Variants in CD28 observed in about 807,000 individuals in gnomAD.
CD28 encodes the protein T-cell-specific surface glycoprotein CD28.
CD28 carries 8 observed loss-of-function variants against 21.4 expected under a neutral mutation model. The observed-to-expected ratio is 0.37, with a 90% CI of 0.22 to 0.68. CD28 has a LOEUF of 0.68. Among genes scored for constraint, CD28 ranks in the 30% least tolerant of loss-of-function variants. The pLI is 0.55. For missense variants in CD28, 239 were observed against 272.2 expected (o/e 0.88, Z 0.86); for synonymous variants, 106 against 104.0 (o/e 1.02, Z -0.12).
At chr2:203,730,714 C>A (rs1422647709) in intron 3 of CD28, among the ~76,000 whole-genome samples, 1 of 152,158 alleles carries the variant, frequency 6.6e-6, no homozygotes, top group Non-Finnish European at 1.5e-5. Context: ...ACATTTGGTG[C>A]TTAATGAATG....
At chr2:203,726,280 T>G (rs1043381466) in intron 1 of CD28, among the ~76,000 whole-genome samples, 3 of 152,156 alleles carry the variant, frequency 2.0e-5, no homozygotes, top group African/African-American at 7.2e-5. Context: ...CCTCCAAATA[T>G]ATCACTCAGT....
At chr2:203,713,638 A>C (rs559730694) in intron 1 of CD28, among the ~76,000 whole-genome samples, 6 of 152,334 alleles carry the variant, frequency 3.9e-5, no homozygotes, top group Admixed American at 3.9e-4. Flanking sequence ...ATAAGACTTC[A>C]CAGGATTAAG....
At chr2:203,722,495 C>G (rs1581508556) in intron 1 of CD28, among the ~76,000 whole-genome samples, 1 of 152,294 alleles carries the variant, frequency 6.6e-6, no homozygotes, top group East Asian at 1.9e-4. Flanking sequence ...AGATGGTAGT[C>G]AAACCTAGCT....
chr2:203,709,946 C>T (rs1045365114), intron 1 of CD28, among the ~76,000 whole-genome samples: 7 of 152,160 alleles, frequency 4.6e-5, no homozygotes, highest in African/African-American at 1.7e-4. Flanking sequence ...CTGAGAGAGG[C>T]ATGGAAAGCA....
In CD28 at chr2:203,712,878, A is replaced by G. The variant is rs561477136; in HGVS notation, c.52+6130A>G. ...TAGTGTTCTGCCTGGCTTTCCCTGT[A>G]TTAAGTCATCTAATCTCCAAGTCCT... is the stretch of plus-strand genomic sequence containing the variant. On this transcript the variant is annotated intron_variant, in intron 1 of 3. Coordinates refer to ENST00000324106, the MANE Select transcript of CD28 (RefSeq NM_006139.4). 1.1e-4 allele frequency among the ~76,000 whole-genome samples: 16 copies of G among 152,280 alleles called. No homozygotes were observed. The South Asian group carries it at 1.2e-3, about 12-fold the overall frequency.
chr2:203,706,493 G>A (rs748042523), upstream of CD28: 15 of 1,502,560 alleles, frequency 1.0e-5, no homozygotes, highest in Middle Eastern at 1.7e-4. Context: ...TCAAAACAAC[G>A]TTATATCCTG....
Position 203,734,835 on chromosome 2 carries a change from C to T in CD28, c.586C>T (p.Pro196Ser). The change falls in exon 4 of 4, where the codon CCC becomes TCC. Residue 196 changes from proline to serine, a missense_variant. Pro to Ser is a moderately conservative substitution (Grantham distance 74, BLOSUM62 -1). Around this residue, in one of 3 missense-constraint regions of CD28, gnomAD observed 112 missense variants for 112.8 expected, o/e 0.99. Coordinates refer to ENST00000324106, the MANE Select transcript of CD28 (RefSeq NM_006139.4). ...LLHSDYMNMT[P>S]RRPGPTRKHY... is the part of the protein sequence containing the mutation. ...GCACAGTGACTACATGAACATGACT[C>T]CCCGCCGCCCCGGGCCCACCCGCAA... 1.9e-6 allele frequency: 3 copies of T among 1,614,142 alleles called. No individual in the cohort carries two copies. Among genetic ancestry groups the T allele is most frequent in the Non-Finnish European group, 2.5e-6 (3 of 1,180,000 alleles).
chr2:203,732,871 A>G (rs1382713509), intron 3 of CD28, among the ~76,000 whole-genome samples: 3 of 152,210 alleles, frequency 2.0e-5, no homozygotes, highest in Non-Finnish European at 4.4e-5. Flanking sequence ...TCACTTGAGG[A>G]TAAGCATGGG....
chr2:203,715,886 C>G (rs535442256), intron 1 of CD28, among the ~76,000 whole-genome samples: 36 of 152,152 alleles, frequency 2.4e-4, no homozygotes, highest in Non-Finnish European at 4.0e-4. Context: ...TACCAGCTGC[C>G]ACCTCCACAG....
intron 1 of CD28, among the ~76,000 whole-genome samples, chr2:203,721,505 C>T (rs1581507666): frequency 1.3e-5 from 2 of 152,142 alleles, no homozygotes; most frequent in East Asian, 3.9e-4. Context: ...CTCTCTTTGT[C>T]TTATCCTCCC....
At chr2:203,715,983 G>C (rs1436166491) in intron 1 of CD28, among the ~76,000 whole-genome samples, 1 of 152,058 alleles carries the variant, frequency 6.6e-6, no homozygotes, top group Non-Finnish European at 1.5e-5. Context: ...CCAAGCCAAG[G>C]GCAGTCAAGA....
chr2:203,713,899 G>GT (rs1693390754), intron 1 of CD28, among the ~76,000 whole-genome samples: 3 of 151,538 alleles, frequency 2.0e-5, no homozygotes, highest in Non-Finnish European at 4.4e-5. Flanking sequence ...GTGTGTGTGT[G>GT]TGTGTGTAGC....
intron 1 of CD28, among the ~76,000 whole-genome samples, chr2:203,713,625 A>G (rs1174982535): frequency 6.6e-6 from 1 of 152,184 alleles, no homozygotes; most frequent in African/African-American, 2.4e-5. Flanking sequence ...ATGGAGAAGG[A>G]AGATAAGACT....
At chr2:203,709,052 G>A (rs1277817475) in intron 1 of CD28, among the ~76,000 whole-genome samples, 2 of 151,844 alleles carry the variant, frequency 1.3e-5, no homozygotes, top group Non-Finnish European at 2.9e-5. Context: ...AACCCGGGAC[G>A]CGGAGGTTGC....
rs1581516317 is a variant in CD28 at position 203,729,862 on chromosome 2, C to T, written c.534+90C>T. 5 of 1,317,108 alleles carry T rather than the reference C, an allele frequency of 3.8e-6. No individual in the cohort carries two copies. The East Asian group carries it at 7.0e-5, about 18-fold the overall frequency. 81.6% of individuals were successfully genotyped at this position (1,317,108 alleles called of 1,614,324 possible). ...GAATTTTGCCTATGTGGTTTATTTT[C>T]TGTTTAATATAGGATGATGATTTTC... On this transcript the variant is annotated intron_variant, in intron 3 of 3. Transcript: ENST00000324106.
intron 2 of CD28, among the ~76,000 whole-genome samples, chr2:203,727,482 C>A (rs969233256): frequency 7.4e-5 from 10 of 135,296 alleles, no homozygotes; most frequent in Non-Finnish European, 8.2e-5. Context: ...TTTTCTTTTT[C>A]TTTTTCTTTT....
intron 1 of CD28, among the ~76,000 whole-genome samples, chr2:203,719,597 C>G (rs1161678678): frequency 6.6e-6 from 1 of 152,140 alleles, no homozygotes; most frequent in African/African-American, 2.4e-5. Context: ...TTTCAAGGAT[C>G]ACTTATGTTT....
chr2:203,726,751 A>C lies in CD28; in HGVS notation c.171A>C (p.Lys57Asn). The change falls in exon 2 of 4, where the codon AAA (lysine) becomes AAC (asparagine). Residue 57 changes from lysine (K) to asparagine (N), a missense_variant. Physicochemically the swap from Lys to Asn is moderately conservative, Grantham distance 94 (BLOSUM62 0). This residue lies in a region of CD28 where 104 missense variants were observed against 108.5 expected (regional missense o/e 0.96). Transcript: ENST00000324106. ...FSREFRASLH[K>N]GLDSAVEVCV... ...GGGAGTTCCGGGCATCCCTTCACAA[A>C]GGACTGGATAGTGCTGTGGAAGTCT... 1 of 1,614,152 alleles carries C rather than the reference A, an allele frequency of 6.2e-7. No individual in the cohort carries two copies. Among genetic ancestry groups the C allele is most frequent in the Non-Finnish European group, 8.5e-7 (1 of 1,180,016 alleles).
intron 3 of CD28, among the ~76,000 whole-genome samples, chr2:203,732,041 G>T (rs1457642226): frequency 6.6e-6 from 1 of 152,176 alleles, no homozygotes; most frequent in Non-Finnish European, 1.5e-5. Flanking sequence ...TTTTCCTGCT[G>T]TTGGTATTTA....
Sources: gnomAD v4.1 joint callset for allele counts (sites outside exome capture counted in the v4.1 genomes callset) on GRCh38, gnomAD v4.1.1 for gene constraint, gnomAD v4.1.1 regional missense constraint, MANE v1.5 for transcripts, NCBI Gene and HGNC (gene_info 2026-07-23, HGNC 2026-07-21) for gene names.